TRPS1: variants seen among roughly 807,000 people sequenced by gnomAD.
The protein encoded by TRPS1 is transcriptional repressor GATA binding 1.
A neutral mutation model predicts 101.2 loss-of-function variants in TRPS1; 6 were observed. The ratio of observed to expected loss-of-function variants is 0.06; its 90% CI spans 0.03 to 0.12. TRPS1 has a LOEUF of 0.12. TRPS1 is among the 10% of genes least tolerant of loss of function. TRPS1 has a pLI of 1.00. For synonymous variants in TRPS1, 578 were observed against 589.8 expected (o/e 0.98, Z 0.29); for missense variants, 1,363 against 1,567.0 (o/e 0.87, Z 2.20).
Position 115,521,917 on chromosome 8 carries a change from G to T in TRPS1, c.2700+65084C>A, listed in dbSNP as rs1246869633. Among the ~76,000 whole-genome samples the T allele has an allele frequency of 2.0e-5, 3 of 151,614 alleles. No homozygotes were observed. In the East Asian group the frequency reaches 5.8e-4, roughly 29 times the overall value. ...TACAATTATTTTTTAAATAAAATTT[G>T]GTTTAATGTCCTCATGAAGAGACGA... On this transcript the variant is annotated intron_variant, in intron 5 of 6. Coordinates refer to ENST00000395715, the MANE Select transcript of TRPS1 (RefSeq NM_014112.5).
chr8:115,428,633 C>A (rs1308204741), intron 5 of TRPS1, among the ~76,000 whole-genome samples: 2 of 152,084 alleles, frequency 1.3e-5, no homozygotes, highest in African/African-American at 4.8e-5. Flanking sequence ...GAGCCTGACA[C>A]CAAATATGCA....
chr8:115,418,246 C>T lies in TRPS1; in HGVS notation c.2823+84G>A, dbSNP rs998987490. The T allele has an allele frequency of 3.5e-5, 57 of 1,611,264 alleles. No homozygotes were observed. Among genetic ancestry groups the T allele is most frequent in the Non-Finnish European group, 1.9e-5 (22 of 1,178,386 alleles). ...ACCCTGCGGGGGCAGGCACTGCAAG[C>T]CAGGGAATGGGACTTATCACACCAC... is the stretch of plus-strand genomic sequence containing the variant. On this transcript the variant is annotated intron_variant, in intron 6 of 6. Transcript: ENST00000395715. The surrounding 1 kb of genome is among the most constrained non-coding windows in gnomAD (Gnocchi z 4.3).
At chr8:115,661,037 T>C (rs1434997473) in intron 1 of TRPS1, among the ~76,000 whole-genome samples, 1 of 152,052 alleles carries the variant, frequency 6.6e-6, no homozygotes, top group Admixed American at 6.6e-5. Context: ...TATAAAGTGG[T>C]AGCCCATAAA....
chr8:115,477,648 G>T (rs1814639247), intron 5 of TRPS1, among the ~76,000 whole-genome samples: 1 of 152,148 alleles, frequency 6.6e-6, no homozygotes, highest in African/African-American at 2.4e-5. Flanking sequence ...TGTCTTTGAG[G>T]TGTAAAATAA....
intron 4 of TRPS1, among the ~76,000 whole-genome samples, chr8:115,597,446 T>C (rs1052814813): frequency 5.3e-5 from 8 of 152,066 alleles, no homozygotes; most frequent in African/African-American, 1.9e-4. Flanking sequence ...TTCTATGAGA[T>C]ACTGTTTTTT....
At chr8:115,608,857 T>A (rs1216147452) in intron 3 of TRPS1, among the ~76,000 whole-genome samples, 1 of 149,508 alleles carries the variant, frequency 6.7e-6, no homozygotes, top group Non-Finnish European at 1.5e-5. Context: ...TAAAAATTTC[T>A]TTTTTAGAGG....
In TRPS1 at chr8:115,554,743, G is replaced by C. The variant is rs3824202; in HGVS notation, c.2700+32258C>G. On this transcript the variant is annotated intron_variant, in intron 5 of 6. Coordinates refer to ENST00000395715, the MANE Select transcript of TRPS1 (RefSeq NM_014112.5). ...TACAGTGTAGAGGCCAAAACGAAGA[G>C]ATAAGGCTTCCAAACAGATTAGAAA... Among the ~76,000 whole-genome samples the C allele has an allele frequency of 3.3e-5, 5 of 152,240 alleles. No individual in the cohort carries two copies. The East Asian group carries it at 9.7e-4, about 29-fold the overall frequency.
intron 5 of TRPS1, among the ~76,000 whole-genome samples, chr8:115,513,066 A>G (rs963923144): frequency 1.3e-5 from 2 of 151,726 alleles, no homozygotes; most frequent in African/African-American, 4.8e-5. Context: ...TTTTCAAAAA[A>G]GATTGTTTCA....
At chr8:115,470,468 T>G (rs1440024009) in intron 5 of TRPS1, among the ~76,000 whole-genome samples, 1 of 152,156 alleles carries the variant, frequency 6.6e-6, no homozygotes, top group African/African-American at 2.4e-5. Flanking sequence ...TCTTACCTTA[T>G]TGTTGCCTTA....
At chr8:115,595,068 T>A (rs7002490) in intron 4 of TRPS1, among the ~76,000 whole-genome samples, 256 of 152,086 alleles carry the variant, frequency 1.7e-3, no homozygotes, top group African/African-American at 5.9e-3. Flanking sequence ...AATGAATAAA[T>A]CATAAATACT....
rs1404435257 is a variant in TRPS1 at position 115,410,114 on chromosome 8, C to T, written c.*3909G>A. On this transcript the variant is annotated 3_prime_UTR_variant, in exon 7 of 7. Transcript: ENST00000395715. ...TTATTTACTAAACAGGGCAGCAGTT[C>T]ACAGGTCTCAAGACCGGTCACTTTG... The T allele has an allele frequency of 6.6e-6, 1 of 151,974 alleles. No homozygotes were observed. The highest frequency in any genetic ancestry group is 1.9e-4 in the East Asian group (1 of 5,176). 9.4% of individuals were successfully genotyped at this position (151,974 alleles called of 1,614,324 possible).
intron 3 of TRPS1, among the ~76,000 whole-genome samples, chr8:115,608,272 C>A: frequency 6.6e-6 from 1 of 152,222 alleles, no homozygotes; most frequent in Middle Eastern, 3.4e-3. Context: ...GTAAAGACAT[C>A]CAAATTTTTA....
intron 5 of TRPS1, among the ~76,000 whole-genome samples, chr8:115,429,054 G>C (rs548002082): frequency 6.6e-6 from 1 of 152,236 alleles, no homozygotes; most frequent in African/African-American, 2.4e-5. Context: ...ATTTTTAAAA[G>C]ACGAAGTGGA....
chr8:115,663,895 C>T (rs776219524), intron 1 of TRPS1, among the ~76,000 whole-genome samples: 1 of 151,944 alleles, frequency 6.6e-6, no homozygotes, highest in African/African-American at 2.4e-5. Flanking sequence ...GCTCAAAGAT[C>T]TCTTTCTAAC....
intron 1 of TRPS1, among the ~76,000 whole-genome samples, chr8:115,647,105 T>C (rs931436154): frequency 6.6e-6 from 1 of 152,144 alleles, no homozygotes; most frequent in African/African-American, 2.4e-5. Context: ...TATCAACTAT[T>C]TTCTTTACCT....
At chr8:115,614,103 T>G (rs1183336885) in intron 3 of TRPS1, among the ~76,000 whole-genome samples, 1 of 152,198 alleles carries the variant, frequency 6.6e-6, no homozygotes, top group African/African-American at 2.4e-5. Context: ...GCACACTACT[T>G]GTATATCTGT....
intron 6 of TRPS1, among the ~76,000 whole-genome samples, chr8:115,417,895 C>T (rs994266003): frequency 3.9e-5 from 6 of 152,126 alleles, no homozygotes; most frequent in Non-Finnish European, 7.4e-5. Flanking sequence ...CTTGTGAATT[C>T]CGAAGGTAAA....
At chr8:115,438,820 A>G (rs1456933310) in intron 5 of TRPS1, among the ~76,000 whole-genome samples, 2 of 151,806 alleles carry the variant, frequency 1.3e-5, no homozygotes, top group Non-Finnish European at 2.9e-5. Flanking sequence ...TTTATCATTT[A>G]CAGACTGCCT....
At chr8:115,463,927 A>T (rs1215938255) in intron 5 of TRPS1, among the ~76,000 whole-genome samples, 1 of 151,872 alleles carries the variant, frequency 6.6e-6, no homozygotes, top group African/African-American at 2.4e-5. Context: ...ATAACACTGA[A>T]ATAAATTACA....
Sources: gnomAD v4.1 joint callset for allele counts (sites outside exome capture counted in the v4.1 genomes callset) on GRCh38, gnomAD v4.1.1 for gene constraint, Gnocchi (gnomAD v3.1) non-coding constraint, MANE v1.5 for transcripts, NCBI Gene and HGNC (gene_info 2026-07-23, HGNC 2026-07-21) for gene names.